KLHL18: variants seen among roughly 807,000 people sequenced by gnomAD.
KLHL18 encodes kelch-like protein 18.
A neutral mutation model predicts 58.5 loss-of-function variants in KLHL18; 38 were observed. The observed-to-expected ratio is 0.65, with a 90% confidence interval of 0.50 to 0.85. The LOEUF (loss-of-function observed/expected upper bound fraction) is 0.85, where lower values mean the gene tolerates loss of function less well. Among genes scored for constraint, KLHL18 ranks in the 40% least tolerant of loss-of-function variants. The probability of loss-of-function intolerance (pLI) is 0.00; values close to 1 mark genes in which losing one functional copy is unlikely to be tolerated. For missense variants in KLHL18, 624 were observed against 778.4 expected (o/e 0.80, Z 2.36); for synonymous variants, 303 against 301.9 (o/e 1.00, Z -0.04).
intron 3 of KLHL18, among the ~76,000 whole-genome samples, chr3:47,324,119 C>A (rs1474766408): frequency 6.6e-6 from 1 of 151,942 alleles, no homozygotes; most frequent in Non-Finnish European, 1.5e-5. Flanking sequence ...GCGGAACCAA[C>A]CTTGTCCCTG....
intron 1 of KLHL18, chr3:47,283,600 C>T (rs1702548226): frequency 1.3e-5 from 2 of 153,498 alleles, no homozygotes; most frequent in African/African-American, 4.8e-5. Flanking sequence ...AAAATCTTCT[C>T]TGGAAAATTT....
At chr3:47,286,035 G>A (rs1472618855) in intron 1 of KLHL18, among the ~76,000 whole-genome samples, 2 of 148,448 alleles carry the variant, frequency 1.3e-5, no homozygotes, top group East Asian at 2.0e-4. Flanking sequence ...GTAAGACCCT[G>A]TCTCAAAAAA....
intron 1 of KLHL18, 51 bp from the exon 2 acceptor site, chr3:47,319,596 GTTTGTT>G: frequency 6.4e-7 from 1 of 1,557,488 alleles, no homozygotes; most frequent in African/African-American, 1.4e-5. Context: ...TTTTTTGTTT[GTTTGTT>G]TTTGTTTTGC....
intron 1 of KLHL18, among the ~76,000 whole-genome samples, chr3:47,292,330 C>T (rs972546200): frequency 7.2e-5 from 11 of 151,938 alleles, no homozygotes; most frequent in Admixed American, 6.6e-4. Context: ...TAAAATTAGC[C>T]AGGCGTGGTG....
intron 8 of KLHL18, 48 bp from the exon 9 acceptor site, chr3:47,342,671 G>A: frequency 6.6e-7 from 1 of 1,519,132 alleles, no homozygotes; most frequent in Non-Finnish European, 9.1e-7. Context: ...GAGGGAACAA[G>A]AACCCTGAAT....
At chr3:47,293,923 C>T (rs1472075176) in intron 1 of KLHL18, among the ~76,000 whole-genome samples, 1 of 152,140 alleles carries the variant, frequency 6.6e-6, no homozygotes, top group Non-Finnish European at 1.5e-5. Context: ...ACACTTATTA[C>T]AATAGTAATT....
Position 47,330,047 on chromosome 3 carries a change from C to T in KLHL18, c.498C>T (p.His166=). Residue 166 remains histidine, a synonymous_variant, in exon 4 of 10, where the codon CAC becomes CAT. Coordinates refer to ENST00000232766, the MANE Select transcript of KLHL18 (RefSeq NM_025010.5). The part of the protein sequence containing the change: ...YDAANSFIHQ[H]FVEVSMSEEF... ...CTGCCAACAGCTTCATCCACCAGCACTTTGTGGAGGTGTCCATGTCAGAAG... is the reference window on the plus strand; with the variant it reads ...CTGCCAACAGCTTCATCCACCAGCATTTTGTGGAGGTGTCCATGTCAGAAG... 1 of 1,614,122 alleles carries T rather than the reference C, an allele frequency of 6.2e-7. No homozygotes were observed. Among genetic ancestry groups the T allele is most frequent in the Non-Finnish European group, 8.5e-7 (1 of 1,180,016 alleles).
chr3:47,328,578 G>A lies in KLHL18; in HGVS notation c.402-1373G>A, dbSNP rs141450685. On this transcript the variant is annotated intron_variant, in intron 3 of 9. Transcript: ENST00000232766. Reference sequence around the variant, plus strand: ...TATCCTGGGTTTCTCTAGCCCTGATGAGTGTAAGTCTGCCAGGCTACCGTG... The same window carrying A: ...TATCCTGGGTTTCTCTAGCCCTGATAAGTGTAAGTCTGCCAGGCTACCGTG... 1.5e-3 allele frequency among the ~76,000 whole-genome samples: 229 copies of A among 152,172 alleles called. 1 individual carries two copies. Among genetic ancestry groups the A allele is most frequent in the African/African-American group, 5.2e-3 (217 of 41,518 alleles).
chr3:47,336,948 G>A lies in KLHL18; in HGVS notation c.1121+191G>A, dbSNP rs181010490. ...TGCTTAAAAGTAAAATATCCACCTT[G>A]TCCTTTGGGGAACTTGGGGAGACCA... On this transcript the variant is annotated intron_variant, in intron 7 of 9. Coordinates refer to ENST00000232766, the MANE Select transcript of KLHL18 (RefSeq NM_025010.5). 1.0e-5 allele frequency: 6 copies of A among 582,980 alleles called. No individual in the cohort carries two copies. The Admixed American group carries it at 1.5e-4, about 15-fold the overall frequency. The allele number at this position is 582,980 out of a possible 1,614,324, so 36.1% of individuals were successfully genotyped here.
rs933747666 is a variant in KLHL18, at chr3:47,334,266, G to A, written c.762-417G>A. Among the ~76,000 whole-genome samples the A allele has an allele frequency of 6.6e-6, 1 of 152,142 alleles. No homozygotes were observed. The highest frequency in any genetic ancestry group is 2.4e-5 in the African/African-American group (1 of 41,412). Reference sequence around the variant, plus strand: ...GAATGGAGGGGCAGGCCTGAGGCAGGGAAATGTGTCAGGAGCTGCCACCGT... The same window carrying A: ...GAATGGAGGGGCAGGCCTGAGGCAGAGAAATGTGTCAGGAGCTGCCACCGT... On this transcript the variant is annotated intron_variant, in intron 5 of 9. Coordinates refer to ENST00000232766, the MANE Select transcript of KLHL18 (RefSeq NM_025010.5). The surrounding 1 kb of genome is among the most constrained non-coding windows in gnomAD (Gnocchi z 4.7).
chr3:47,327,544 A>T (rs1016277072), intron 3 of KLHL18, among the ~76,000 whole-genome samples: 4 of 152,260 alleles, frequency 2.6e-5, no homozygotes, highest in African/African-American at 9.6e-5. Context: ...GTGCTTTAAC[A>T]AGTCTCATTC....
In KLHL18 at chr3:47,330,068, A is replaced by G. The variant is rs2107646810; in HGVS notation, c.519A>G (p.Ser173=). The change falls in exon 4 of 10, where the codon TCA becomes TCG. Residue 173 remains serine, a synonymous_variant. Transcript: ENST00000232766. The stretch of plus-strand genomic sequence containing the variant: ...AGCACTTTGTGGAGGTGTCCATGTC[A>G]GAAGAGTTCCTGGCCCTGCCCTTGG... The part of the protein sequence containing the change: ...IHQHFVEVSM[S]EEFLALPLED... The G allele has an allele frequency of 6.2e-7, 1 of 1,614,160 alleles. No individual in the cohort carries two copies. The highest frequency in any genetic ancestry group is 8.5e-7 in the Non-Finnish European group (1 of 1,180,030).
intron 2 of KLHL18, 75 bp downstream of exon 2, chr3:47,319,858 G>A: frequency 6.6e-7 from 1 of 1,512,164 alleles, no homozygotes; most frequent in Non-Finnish European, 9.1e-7. Context: ...TTCCGTTGAG[G>A]ACCTGCAGCA....
chr3:47,284,337 C>CTTTT (rs767276527), intron 1 of KLHL18, among the ~76,000 whole-genome samples: 55 of 127,136 alleles, frequency 4.3e-4, no homozygotes, highest in Admixed American at 1.8e-3. Context: ...TTTCTTTTTT[C>CTTTT]TTTTTTTTTT....
In KLHL18 at chr3:47,336,533, A is replaced by G; in HGVS notation, c.899-2A>G. On this transcript the variant is annotated splice_acceptor_variant, in intron 6 of 9. Coordinates refer to ENST00000232766, the MANE Select transcript of KLHL18 (RefSeq NM_025010.5). LOFTEE classifies it high-confidence loss of function. Reference sequence around the variant, plus strand: ...TAATTTGAGTAGCAAATTTTTATGCAGGTGATTCCCTGAATGTGGTGGAAG... The same window carrying G: ...TAATTTGAGTAGCAAATTTTTATGCGGGTGATTCCCTGAATGTGGTGGAAG... 6.2e-7 allele frequency: 1 copy of G among 1,609,550 alleles called. No homozygotes were observed. Among genetic ancestry groups the G allele is most frequent in the Non-Finnish European group, 8.5e-7 (1 of 1,175,988 alleles).
At chr3:47,307,651 A>G (rs959523111) in intron 1 of KLHL18, among the ~76,000 whole-genome samples, 2 of 152,098 alleles carry the variant, frequency 1.3e-5, no homozygotes, top group Non-Finnish European at 2.9e-5. Context: ...CGGCCTCCCA[A>G]AGTGTTGGGA....
At chr3:47,336,826 C>G in intron 7 of KLHL18, 69 bp downstream of exon 7, 2 of 1,204,392 alleles carry the variant, frequency 1.7e-6, no homozygotes, top group East Asian at 2.4e-5. Flanking sequence ...GCTAGACGAG[C>G]AGGGGCACAC....
intron 1 of KLHL18, among the ~76,000 whole-genome samples, chr3:47,315,318 C>T (rs1576159790): frequency 6.6e-6 from 1 of 152,264 alleles, no homozygotes; most frequent in East Asian, 1.9e-4. Context: ...CAATTAGATG[C>T]CTGCACCCCC....
chr3:47,336,274 A>T (rs933126728), intron 6 of KLHL18, among the ~76,000 whole-genome samples: 4 of 152,150 alleles, frequency 2.6e-5, no homozygotes, highest in African/African-American at 9.7e-5. Flanking sequence ...CTTTGGCTTT[A>T]AGCAGGTGGA....
Sources: gnomAD v4.1 joint callset for allele counts (sites outside exome capture counted in the v4.1 genomes callset) on GRCh38, gnomAD v4.1.1 for gene constraint, Gnocchi (gnomAD v3.1) non-coding constraint, MANE v1.5 for transcripts, NCBI Gene and HGNC (gene_info 2026-07-23, HGNC 2026-07-21) for gene names.